Variants in PARG observed in about 807,000 individuals in gnomAD.
The protein encoded by PARG is poly(ADP-ribose) glycohydrolase.
Under a neutral mutation model 113.0 loss-of-function variants are expected in PARG, and 35 were observed. The observed-to-expected ratio is 0.31, with a 90% CI of 0.24 to 0.41. PARG has a LOEUF of 0.41. Ranked by LOEUF, PARG falls within the 10% of genes least tolerant of loss-of-function variation. The probability of loss-of-function intolerance (pLI) is 1.00; values close to 1 mark genes in which losing one functional copy is unlikely to be tolerated. For missense variants in PARG, 797 were observed against 1,169.4 expected (o/e 0.68, Z 4.64); for synonymous variants, 330 against 409.9 (o/e 0.81, Z 2.36).
intron 4 of PARG, among the ~76,000 whole-genome samples, chr10:49,925,913 G>A (rs1238621655): frequency 1.3e-5 from 2 of 152,244 alleles, no homozygotes; most frequent in Non-Finnish European, 2.9e-5. Context: ...GTCGCCATGA[G>A]AGCACACCTG....
intron 7 of PARG, among the ~76,000 whole-genome samples, chr10:49,896,968 T>C (rs1296903807): frequency 6.6e-6 from 1 of 152,256 alleles, no homozygotes; most frequent in Non-Finnish European, 1.5e-5. Flanking sequence ...TTACTAGGTA[T>C]TAATCCTTTG....
chr10:49,912,490 C>G (rs2132824236), intron 7 of PARG, among the ~76,000 whole-genome samples: 1 of 150,410 alleles, frequency 6.6e-6, no homozygotes, highest in East Asian at 2.0e-4. Context: ...TGGTGAAACC[C>G]AGTCTCTAAT....
rs1353631081 is a variant in PARG at position 49,873,577 on chromosome 10, C to T, written c.1989-4022G>A. 4.9e-3 allele frequency among the ~76,000 whole-genome samples: 703 copies of T among 142,810 alleles called. 7 individuals are homozygous for T. Among genetic ancestry groups the T allele is most frequent in the Non-Finnish European group, 8.6e-3 (558 of 64,942 alleles). The allele number at this position is 142,810 out of a possible 152,430, so 93.7% of individuals were successfully genotyped here. A position where few individuals can be genotyped will look rare whatever the true frequency, so the allele number is the denominator to read the frequency against. On this transcript the variant is annotated intron_variant, in intron 9 of 17. Coordinates refer to ENST00000616448, the MANE Select transcript of PARG (RefSeq NM_003631.5). Reference sequence around the variant, plus strand: ...CTGAACCTTATCAGTAGAGAGGCTTCCCTACCTAGAAAATTCCATAGACAG... The same window carrying T: ...CTGAACCTTATCAGTAGAGAGGCTTTCCTACCTAGAAAATTCCATAGACAG...
At chr10:49,832,554 CA>C (rs1205821819) in intron 16 of PARG, among the ~76,000 whole-genome samples, 36 of 152,176 alleles carry the variant, frequency 2.4e-4, no homozygotes, top group African/African-American at 8.4e-4. Context: ...CTCCTCCTGC[CA>C]ATCTTTCAAT....
chr10:49,857,453 C>T lies in PARG; in HGVS notation c.2206G>A (p.Val736Met), dbSNP rs782754811. The T allele has an allele frequency of 1.9e-6, 3 of 1,612,134 alleles. No homozygotes were observed. Among genetic ancestry groups the T allele is most frequent in the African/African-American group, 2.7e-5 (2 of 74,836 alleles). Residue 736 changes from valine to methionine, a missense_variant and splice_region_variant, in exon 13 of 18, where the codon GTG becomes ATG. Transcript: ENST00000616448. ...CCAACAAAACGATTTGCAAAATCCA[C>T]CTGTTGGGGAAATGTGACATATTAA... ...IEENGQGMLQ[V>M]DFANRFVGGG...
intron 15 of PARG, among the ~76,000 whole-genome samples, chr10:49,840,377 A>G: frequency 6.6e-6 from 1 of 151,588 alleles, no homozygotes; most frequent in Non-Finnish European, 1.5e-5. Flanking sequence ...CCTAGGCAAC[A>G]AAGACCCTGC....
chr10:49,835,504 T>C (rs782184708), intron 15 of PARG, among the ~76,000 whole-genome samples: 1 of 151,960 alleles, frequency 6.6e-6, no homozygotes, highest in Non-Finnish European at 1.5e-5. Flanking sequence ...ACAGCGAACA[T>C]AAAGGTAATT....
At chr10:49,888,025 G>A (rs1847581555) in intron 7 of PARG, among the ~76,000 whole-genome samples, 3 of 151,980 alleles carry the variant, frequency 2.0e-5, no homozygotes, top group Admixed American at 2.0e-4. Context: ...GTTTCTGACT[G>A]CATCTCTTTG....
chr10:49,864,457 A>G (rs1196900950), intron 11 of PARG, among the ~76,000 whole-genome samples: 4 of 151,550 alleles, frequency 2.6e-5, no homozygotes, highest in African/African-American at 9.7e-5. Flanking sequence ...CGTTTTTTTA[A>G]GTGATTTCCA....
At chr10:49,837,669 C>CA (rs782106104) in intron 15 of PARG, among the ~76,000 whole-genome samples, 10 of 152,142 alleles carry the variant, frequency 6.6e-5, no homozygotes, top group Admixed American at 1.3e-4. Flanking sequence ...TTGCCAATGA[C>CA]ATTTAACAAA....
chr10:49,845,662 C>T (rs1372484916), intron 13 of PARG, among the ~76,000 whole-genome samples: 4 of 151,896 alleles, frequency 2.6e-5, no homozygotes, highest in African/African-American at 7.2e-5. Context: ...TTTGGGAGGC[C>T]GAGGTGGGGA....
intron 16 of PARG, among the ~76,000 whole-genome samples, chr10:49,823,402 T>C (rs534173832): frequency 6.6e-4 from 101 of 152,272 alleles, no homozygotes; most frequent in Non-Finnish European, 1.1e-3. Context: ...TGACATAATA[T>C]ATGTAAGACC....
At position 49,895,276 on chromosome 10, in the gene PARG, T is replaced by C. The variant is rs1848022828; in HGVS notation, c.1738-9981A>G. ...TCACGTTAGTCTGCAAACTCTGCCC[T>C]TCTTATTTACAATTTCTTTGTAAAT... On this transcript the variant is annotated intron_variant, in intron 7 of 17. Coordinates refer to ENST00000616448, the MANE Select transcript of PARG (RefSeq NM_003631.5). Among the ~76,000 whole-genome samples, 8 of 152,232 alleles carry C rather than the reference T, an allele frequency of 5.3e-5. No individual in the cohort carries two copies. The South Asian group carries it at 1.0e-3, about 20-fold the overall frequency.
At chr10:49,880,395 C>T (rs2573492) in intron 8 of PARG, among the ~76,000 whole-genome samples, 72,292 of 150,874 alleles carry the variant, frequency 0.48, 17,676 homozygotes, top group African/African-American at 0.58. Context: ...TACGGACATG[C>T]ATAAGTTGTA....
At chr10:49,865,156 C>T (rs1160803661) in intron 11 of PARG, among the ~76,000 whole-genome samples, 165 bp downstream of exon 11, 9 of 152,024 alleles carry the variant, frequency 5.9e-5, no homozygotes, top group Admixed American at 5.9e-4. Flanking sequence ...CCTTTTCAAA[C>T]ATGAGAGCTA....
At chr10:49,865,001 G>A (rs1176136719) in intron 11 of PARG, among the ~76,000 whole-genome samples, 1 of 150,344 alleles carries the variant, frequency 6.7e-6, no homozygotes, top group African/African-American at 2.4e-5. Context: ...AGGGTAAGGA[G>A]AAACATTTAA....
intron 7 of PARG, among the ~76,000 whole-genome samples, chr10:49,890,792 A>G (rs1414458090): frequency 1.3e-5 from 2 of 152,246 alleles, no homozygotes; most frequent in African/African-American, 4.8e-5. Context: ...TTCTTTGAAT[A>G]TCTGATTAAC....
At chr10:49,897,298 G>C (rs1554842982) in intron 7 of PARG, among the ~76,000 whole-genome samples, 1 of 152,158 alleles carries the variant, frequency 6.6e-6, no homozygotes, top group East Asian at 1.9e-4. Context: ...TTATGATGAT[G>C]ATGATGCATT....
At chr10:49,851,101 A>G (rs1845740100) in intron 13 of PARG, among the ~76,000 whole-genome samples, 1 of 152,218 alleles carries the variant, frequency 6.6e-6, no homozygotes, top group Non-Finnish European at 1.5e-5. Flanking sequence ...AATCCATTAA[A>G]ATCTTATGAG....
Sources: gnomAD v4.1 joint callset for allele counts (sites outside exome capture counted in the v4.1 genomes callset) on GRCh38, gnomAD v4.1.1 for gene constraint, MANE v1.5 for transcripts, NCBI Gene and HGNC (gene_info 2026-07-23, HGNC 2026-07-21) for gene names.